Variants in LRP1B observed in about 807,000 individuals in gnomAD.
LRP1B encodes low-density lipoprotein receptor-related protein 1B.
A neutral mutation model predicts 556.6 loss-of-function variants in LRP1B; 217 were observed. The ratio of observed to expected loss-of-function variants is 0.39; its 90% CI spans 0.35 to 0.44. The LOEUF (loss-of-function observed/expected upper bound fraction) is 0.44, where lower values mean the gene tolerates loss of function less well. LRP1B is among the 20% of genes least tolerant of loss of function. LRP1B has a pLI of 1.00. For missense variants in LRP1B, 5,053 were observed against 5,620.8 expected, an observed-to-expected ratio of 0.90 and a Z score of 3.23; for synonymous variants, 2,047 against 1,865.8, an observed-to-expected ratio of 1.10 and a Z score of -2.50.
intron 18 of LRP1B, among the ~76,000 whole-genome samples, chr2:140,977,114 C>T (rs1696624296): frequency 6.6e-6 from 1 of 152,146 alleles, no homozygotes; most frequent in Non-Finnish European, 1.5e-5. Context: ...TGGCTTGGCT[C>T]GTCCCCACCC....
At chr2:141,915,964 C>A (rs1015360612) in intron 1 of LRP1B, among the ~76,000 whole-genome samples, 2 of 152,098 alleles carry the variant, frequency 1.3e-5, no homozygotes, top group African/African-American at 2.4e-5. Context: ...AAAGAGAATG[C>A]GTATACATTG....
At chr2:140,319,720 G>T (rs542878534) in intron 82 of LRP1B, among the ~76,000 whole-genome samples, 1 of 152,114 alleles carries the variant, frequency 6.6e-6, no homozygotes, top group Non-Finnish European at 1.5e-5. Context: ...CCTCTATGAC[G>T]CAGGCAGAAC....
At chr2:140,585,915 A>T (rs1681965205) in intron 43 of LRP1B, among the ~76,000 whole-genome samples, 1 of 152,156 alleles carries the variant, frequency 6.6e-6, no homozygotes, top group African/African-American at 2.4e-5. Flanking sequence ...GTGTTTAATA[A>T]GTCTTTAATA....
Position 140,420,568 on chromosome 2 carries a change from C to T in LRP1B, c.10414+21936G>A, listed in dbSNP as rs866217179. On this transcript the variant is annotated intron_variant, in intron 66 of 90. Transcript: ENST00000389484. Reference sequence around the variant, plus strand: ...AGGACTAATACATGAATGCTCATAGCAGTTTGATTTGCAATATTCTACAAC... The same window carrying T: ...AGGACTAATACATGAATGCTCATAGTAGTTTGATTTGCAATATTCTACAAC... 7.9e-5 allele frequency among the ~76,000 whole-genome samples: 12 copies of T among 152,306 alleles called. No homozygotes were observed. In the South Asian group the frequency reaches 1.9e-3, roughly 24 times the overall value.
intron 89 of LRP1B, 76 bp from the exon 90 acceptor site, chr2:140,234,960 T>C: frequency 1.5e-6 from 1 of 661,968 alleles, no homozygotes; most frequent in Non-Finnish European, 2.8e-6. Context: ...ATCATGTTAA[T>C]TCATAAAAAT....
intron 1 of LRP1B, among the ~76,000 whole-genome samples, chr2:141,995,166 G>A (rs959789098): frequency 6.6e-6 from 1 of 152,048 alleles, no homozygotes; most frequent in African/African-American, 2.4e-5. Context: ...CAAGCAACAC[G>A]AATTTATTTA....
chr2:140,416,161 G>T (rs1321693367), intron 66 of LRP1B, among the ~76,000 whole-genome samples: 1 of 152,178 alleles, frequency 6.6e-6, no homozygotes, highest in African/African-American at 2.4e-5. Context: ...CCTCCTGTCT[G>T]ATCAGCTGTG....
intron 41 of LRP1B, among the ~76,000 whole-genome samples, chr2:140,676,931 T>G (rs2105369888): frequency 6.6e-6 from 1 of 152,366 alleles, no homozygotes; most frequent in South Asian, 2.1e-4. Context: ...CTCTAGTTTT[T>G]CAAAACATGT....
At chr2:140,482,717 C>A (rs1469554637) in intron 59 of LRP1B, among the ~76,000 whole-genome samples, 1 of 151,666 alleles carries the variant, frequency 6.6e-6, no homozygotes, top group Non-Finnish European at 1.5e-5. Flanking sequence ...AAGAAAGGAC[C>A]CCCAAGACAT....
chr2:140,849,653 C>T (rs1378281847), intron 29 of LRP1B, among the ~76,000 whole-genome samples: 1 of 152,108 alleles, frequency 6.6e-6, no homozygotes, highest in Non-Finnish European at 1.5e-5. Flanking sequence ...GATTTTCCTG[C>T]CTCAGTCTCC....
At chr2:141,863,155 C>A (rs1318531113) in intron 1 of LRP1B, among the ~76,000 whole-genome samples, 1 of 152,220 alleles carries the variant, frequency 6.6e-6, no homozygotes, top group African/African-American at 2.4e-5. Context: ...TTTAAATATT[C>A]ATATTTAAAC....
chr2:141,656,757 T>C (rs1390071412), intron 2 of LRP1B, among the ~76,000 whole-genome samples: 1 of 152,158 alleles, frequency 6.6e-6, no homozygotes, highest in Non-Finnish European at 1.5e-5. Flanking sequence ...TATATATGTA[T>C]GTAAAGTATG....
At chr2:140,396,984 A>G (rs1684283451) in intron 66 of LRP1B, among the ~76,000 whole-genome samples, 1 of 152,158 alleles carries the variant, frequency 6.6e-6, no homozygotes, top group Non-Finnish European at 1.5e-5. Context: ...AATAACAAGT[A>G]TTGGTGACTT....
At chr2:141,930,849 T>A (rs1700480490) in intron 1 of LRP1B, among the ~76,000 whole-genome samples, 2 of 152,180 alleles carry the variant, frequency 1.3e-5, no homozygotes. Flanking sequence ...GACTCCAGAA[T>A]CTCTTAGCCT....
At chr2:141,783,931 C>T (rs1272720131) in intron 2 of LRP1B, among the ~76,000 whole-genome samples, 2 of 151,676 alleles carry the variant, frequency 1.3e-5, no homozygotes, top group African/African-American at 4.8e-5. Flanking sequence ...ACTCTTTTGG[C>T]ATTTCATTAA....
intron 32 of LRP1B, among the ~76,000 whole-genome samples, chr2:140,792,742 G>A (rs1225513363): frequency 6.6e-6 from 1 of 152,046 alleles, no homozygotes; most frequent in Non-Finnish European, 1.5e-5. Flanking sequence ...TATTTCAAGT[G>A]GAGAGAGAGT....
In LRP1B at chr2:140,461,851, T is replaced by A. The variant is rs578252377; in HGVS notation, c.9626-4200A>T. ...TCCATCTCAAAAAATAAAAAAAAAA[T>A]AAAAGGTTATAAAGTCTTTATTCAT... On this transcript the variant is annotated intron_variant, in intron 60 of 90. Coordinates refer to ENST00000389484, the MANE Select transcript of LRP1B (RefSeq NM_018557.3). Among the ~76,000 whole-genome samples the A allele has an allele frequency of 3.2e-4, 48 of 151,656 alleles. 1 individual carries two copies. In the South Asian group the frequency reaches 0.01, roughly 32 times the overall value.
chr2:141,184,492 G>T (rs1432907966), intron 7 of LRP1B, among the ~76,000 whole-genome samples: 1 of 151,758 alleles, frequency 6.6e-6, no homozygotes, highest in Non-Finnish European at 1.5e-5. Flanking sequence ...ACACAGAGAA[G>T]AAACTGAACG....
intron 51 of LRP1B, among the ~76,000 whole-genome samples, chr2:140,514,198 A>G (rs897987262): frequency 2.0e-5 from 3 of 151,964 alleles, no homozygotes; most frequent in African/African-American, 7.2e-5. Context: ...TTTACTTCTT[A>G]TTTAAAACAA....
Sources: allele counts gnomAD v4.1 joint callset (sites outside exome capture counted in the v4.1 genomes callset), GRCh38; gene constraint gnomAD v4.1.1; transcripts MANE v1.5; gene names NCBI Gene and HGNC (gene_info 2026-07-23, HGNC 2026-07-21).